Variants in SI observed in about 807,000 individuals in gnomAD.
SI encodes sucrase-isomaltase, intestinal.
SI carries 235 observed loss-of-function variants against 253.3 expected under a neutral mutation model. The observed-to-expected ratio is 0.93, with a 90% CI of 0.83 to 1.03. The LOEUF is 1.03. SI is among the 50% of genes least tolerant of loss of function. SI has a pLI of 0.00. For missense variants in SI, 2,442 were observed against 2,211.1 expected (o/e 1.10, Z -2.09); for synonymous variants, 819 against 712.0 (o/e 1.15, Z -2.39).
At chr3:165,006,046 T>G (rs1204619811) in intron 37 of SI, among the ~76,000 whole-genome samples, 1 of 152,224 alleles carries the variant, frequency 6.6e-6, no homozygotes, top group African/African-American at 2.4e-5. Flanking sequence ...ACTATGATCA[T>G]TAATATTTGA....
In SI at chr3:165,068,809, C is replaced by A; in HGVS notation, c.396G>T (p.Arg132Ser). The A allele has an allele frequency of 6.2e-7, 1 of 1,609,130 alleles. No individual in the cohort carries two copies. Among genetic ancestry groups the A allele is most frequent in the African/African-American group, 1.4e-5 (1 of 73,710 alleles). The part of the protein sequence containing the change: ...TSIGVEAKLN[R>S]IPSPTLFGND... Reference sequence around the variant, plus strand: ...TTCCAAATAGTGTAGGTGAAGGTATCCTGTTTAATTTGGCTTCAACTCCTT... The same window carrying A: ...TTCCAAATAGTGTAGGTGAAGGTATACTGTTTAATTTGGCTTCAACTCCTT... Residue 132 changes from arginine to serine, a missense_variant, in exon 5 of 48, where the codon AGG becomes AGT. Arg to Ser is a moderately radical substitution (Grantham distance 110). Transcript: ENST00000264382.
chr3:164,994,190 G>A, intron 41 of SI, 67 bp downstream of exon 41: 3 of 1,398,260 alleles, frequency 2.1e-6, no homozygotes, highest in Non-Finnish European at 3.0e-6. Flanking sequence ...TGCACTATAA[G>A]AGATCATTGG....
chr3:165,082,461 G>A (rs1489556134), upstream of SI, among the ~76,000 whole-genome samples: 4 of 151,958 alleles, frequency 2.6e-5, no homozygotes, highest in Admixed American at 2.0e-4. Context: ...CAGTGCAGTA[G>A]TCCAATGATA....
At chr3:165,028,311 A>T (rs1349818798) in intron 25 of SI, among the ~76,000 whole-genome samples, 4 of 151,630 alleles carry the variant, frequency 2.6e-5, no homozygotes, top group African/African-American at 9.7e-5. Context: ...AGACGGAAAC[A>T]CATCCCATGC....
At chr3:165,031,885 A>T (rs920254297) in intron 24 of SI, among the ~76,000 whole-genome samples, 5 of 151,124 alleles carry the variant, frequency 3.3e-5, no homozygotes, top group Non-Finnish European at 7.4e-5. Context: ...TGAGAGATTG[A>T]TTTAATGCGT....
At chr3:165,002,134 A>G (rs191061740) in intron 37 of SI, among the ~76,000 whole-genome samples, 56 of 151,772 alleles carry the variant, frequency 3.7e-4, no homozygotes, top group African/African-American at 1.3e-3. Flanking sequence ...AGCTTTTGGT[A>G]AAAATGAAAA....
intron 40 of SI, 117 bp downstream of exon 40, chr3:164,996,418 T>G (rs550624981): frequency 4.1e-6 from 3 of 725,762 alleles, no homozygotes; most frequent in East Asian, 5.1e-5. Flanking sequence ...TCCTCACTAC[T>G]CCAAAATTAT....
chr3:164,979,127 A>C lies in SI; in HGVS notation c.*235T>G, dbSNP rs910248864. 2 of 459,196 alleles carry C rather than the reference A, an allele frequency of 4.4e-6. No homozygotes were observed. The highest frequency in any genetic ancestry group is 2.0e-5 in the African/African-American group (1 of 51,276). The allele number at this position is 459,196 out of a possible 1,614,324, so 28.4% of individuals were successfully genotyped here. ...TTTACAATTGTAGCTGATACTTAAC[A>C]AGGATAAATAGGGCTATTCAAATTT... On this transcript the variant is annotated 3_prime_UTR_variant, in exon 48 of 48. Transcript: ENST00000264382.
chr3:165,074,455 G>T, intron 3 of SI, 76 bp downstream of exon 3: 1 of 876,512 alleles, frequency 1.1e-6, no homozygotes, highest in East Asian at 3.0e-5. Flanking sequence ...AAATAAGATC[G>T]ATCCAATATT....
chr3:165,076,036 T>C, intron 1 of SI, 24 bp from the exon 2 acceptor site: 2 of 1,434,284 alleles, frequency 1.4e-6, no homozygotes, highest in African/African-American at 1.4e-5. Flanking sequence ...AGAATATATA[T>C]TTAAAATGTA....
chr3:165,017,221 T>A (rs193054285), intron 31 of SI, among the ~76,000 whole-genome samples: 1 of 152,100 alleles, frequency 6.6e-6, no homozygotes, highest in East Asian at 1.9e-4. Context: ...TGATACATAT[T>A]TCTGTGAACT....
At chr3:164,985,848 T>G (rs1717408137) in intron 45 of SI, among the ~76,000 whole-genome samples, 1 of 152,166 alleles carries the variant, frequency 6.6e-6, no homozygotes, top group Admixed American at 6.6e-5. Context: ...TTAATGAAAC[T>G]TGAATGAGTC....
intron 6 of SI, 110 bp downstream of exon 6, chr3:165,067,230 T>G: frequency 1.2e-6 from 1 of 805,130 alleles, no homozygotes; most frequent in Admixed American, 2.6e-5. Context: ...CCTATCCACC[T>G]ACCCTCTTTT....
chr3:165,038,634 T>C (rs1712663390), intron 20 of SI, among the ~76,000 whole-genome samples: 1 of 151,978 alleles, frequency 6.6e-6, no homozygotes, highest in Non-Finnish European at 1.5e-5. Context: ...TGAGTGCTGT[T>C]ATTTTGCCTC....
chr3:165,060,545 T>C (rs954228139), intron 9 of SI, among the ~76,000 whole-genome samples: 1 of 151,838 alleles, frequency 6.6e-6, no homozygotes, highest in Non-Finnish European at 1.5e-5. Flanking sequence ...CACCCAGTTA[T>C]TGCATAGGCT....
At chr3:165,048,567 G>GTATATATATATACATATATATATGTATA (rs1713250649) in intron 15 of SI, among the ~76,000 whole-genome samples, 1 of 123,834 alleles carries the variant, frequency 8.1e-6, no homozygotes, top group Non-Finnish European at 1.7e-5. Context: ...ATATATATAT[G>GTATATATATATACATATATATATGTATA]TATATATATA....
chr3:165,058,890 A>ACACACACG (rs1713836685), intron 12 of SI, 73 bp downstream of exon 12: 2 of 1,256,218 alleles, frequency 1.6e-6, no homozygotes, highest in Admixed American at 1.7e-5. Flanking sequence ...ACACACACGC[A>ACACACACG]CATCCACAGA....
At chr3:165,079,970 C>A (rs1163560564), upstream of SI, among the ~76,000 whole-genome samples, 1 of 151,818 alleles carries the variant, frequency 6.6e-6, no homozygotes, top group Non-Finnish European at 1.5e-5. Context: ...AAAATATAAT[C>A]TAAATCAAAA....
At chr3:165,084,515 T>C in the SI span, among the ~76,000 whole-genome samples, 1 of 152,016 alleles carries the variant, frequency 6.6e-6, no homozygotes, top group Non-Finnish European at 1.5e-5. Flanking sequence ...TTTTTTTCTG[T>C]ATAATATTAT....
Sources: allele counts gnomAD v4.1 joint callset (sites outside exome capture counted in the v4.1 genomes callset), GRCh38; gene constraint gnomAD v4.1.1; transcripts MANE v1.5; gene names NCBI Gene and HGNC (gene_info 2026-07-23, HGNC 2026-07-21).